The following GRID2 variants were observed in gnomAD, a reference collection of about 807,000 sequenced individuals.
GRID2 encodes glutamate receptor ionotropic, delta-2.
Under a neutral mutation model 114.8 loss-of-function variants are expected in GRID2, and 33 were observed. The observed-to-expected ratio is 0.29, with a 90% CI of 0.22 to 0.38. The LOEUF (loss-of-function observed/expected upper bound fraction) is 0.38, where lower values mean the gene tolerates loss of function less well. Among genes scored for constraint, GRID2 ranks in the 10% least tolerant of loss-of-function variants. GRID2 has a pLI of 1.00. For synonymous variants in GRID2, 505 were observed against 449.9 expected (o/e 1.12, Z -1.55); for missense variants, 1,184 against 1,257.7 (o/e 0.94, Z 0.89).
At chr4:92,389,079 T>C (rs1025836073) in intron 1 of GRID2, among the ~76,000 whole-genome samples, 1 of 152,030 alleles carries the variant, frequency 6.6e-6, no homozygotes, top group African/African-American at 2.4e-5. Flanking sequence ...TATAGGACAG[T>C]AGTTAATAAC....
intron 1 of GRID2, among the ~76,000 whole-genome samples, chr4:93,797,060 T>G (rs1420827518): frequency 6.6e-6 from 1 of 152,222 alleles, no homozygotes; most frequent in Non-Finnish European, 1.5e-5. Context: ...CTACAAACCC[T>G]ACAGCATGTT....
At chr4:93,060,641 C>T (rs538602018) in intron 2 of GRID2, among the ~76,000 whole-genome samples, 1 of 152,266 alleles carries the variant, frequency 6.6e-6, no homozygotes, top group East Asian at 1.9e-4. Flanking sequence ...CTTAATTCTA[C>T]AATATGTGAC....
intron 4 of GRID2, among the ~76,000 whole-genome samples, chr4:93,127,641 G>T (rs1230865304): frequency 1.3e-5 from 2 of 152,082 alleles, no homozygotes; most frequent in Non-Finnish European, 2.9e-5. Flanking sequence ...ATACACAGAG[G>T]TTGTAAAAGT....
At chr4:93,280,330 A>T (rs1420137465) in intron 8 of GRID2, among the ~76,000 whole-genome samples, 1 of 151,968 alleles carries the variant, frequency 6.6e-6, no homozygotes, top group Non-Finnish European at 1.5e-5. Flanking sequence ...TTCTAGTTTA[A>T]TGCATTATTA....
intron 9 of GRID2, among the ~76,000 whole-genome samples, chr4:93,411,527 C>T (rs897968460): frequency 2.0e-5 from 3 of 151,734 alleles, no homozygotes; most frequent in African/African-American, 4.8e-5. Flanking sequence ...CTCCGCCTCC[C>T]GGGTTCAAGC....
intron 2 of GRID2, among the ~76,000 whole-genome samples, chr4:93,008,766 G>T (rs978741226): frequency 6.6e-6 from 1 of 151,396 alleles, no homozygotes; most frequent in Non-Finnish European, 1.5e-5. Flanking sequence ...CATTTTTTTT[G>T]CTTAATGAAG....
intron 1 of GRID2, among the ~76,000 whole-genome samples, chr4:92,441,774 G>A (rs904941394): frequency 4.4e-4 from 66 of 149,268 alleles, no homozygotes; most frequent in African/African-American, 1.1e-3. Flanking sequence ...ATGATCGGTC[G>A]CCAAGGAGGG....
chr4:92,786,661 A>T (rs189655915), intron 2 of GRID2, among the ~76,000 whole-genome samples: 45 of 152,040 alleles, frequency 3.0e-4, no homozygotes, highest in African/African-American at 8.4e-4. Context: ...GGCAATGTTA[A>T]AATACATTAT....
intron 2 of GRID2, among the ~76,000 whole-genome samples, chr4:92,595,728 ATATT>A (rs1728917815): frequency 6.6e-6 from 1 of 152,136 alleles, no homozygotes; most frequent in African/African-American, 2.4e-5. Context: ...AAATACATAC[ATATT>A]TATTTCATGT....
rs747536898 is a variant in GRID2, at chr4:92,631,014, G to GA, written c.244+40739dup. Among the ~76,000 whole-genome samples, 234 of 138,684 alleles carry GA rather than the reference G, an allele frequency of 1.7e-3. 1 individual carries two copies. The highest frequency in any genetic ancestry group is 2.6e-3 in the African/African-American group (98 of 37,986). The allele number at this position is 138,684 out of a possible 152,430, so 91.0% of individuals were successfully genotyped here. A position where few individuals can be genotyped will look rare whatever the true frequency, so the allele number is the denominator to read the frequency against. On this transcript the variant is annotated intron_variant, in intron 2 of 15. Transcript: ENST00000282020. ...TAGTGAGTATTAATGAGTATAATGA[G>GA]AAAAAAAAAAAGAAAAAAACAAGAG... is the stretch of plus-strand genomic sequence containing the variant.
chr4:92,678,561 T>C (rs1038082953), intron 2 of GRID2, among the ~76,000 whole-genome samples: 3 of 151,960 alleles, frequency 2.0e-5, no homozygotes, highest in Non-Finnish European at 4.4e-5. Context: ...GTGGGTCATG[T>C]AGCACCGTCT....
At chr4:92,368,158 G>A (rs995985420) in intron 1 of GRID2, among the ~76,000 whole-genome samples, 1 of 151,986 alleles carries the variant, frequency 6.6e-6, no homozygotes, top group African/African-American at 2.4e-5. Context: ...AGATGCTGAG[G>A]GACACATGCC....
At chr4:93,723,844 T>G (rs1156281790) in intron 14 of GRID2, among the ~76,000 whole-genome samples, 1 of 152,198 alleles carries the variant, frequency 6.6e-6, no homozygotes, top group East Asian at 1.9e-4. Context: ...CTTCTCGATT[T>G]TTATTCTATT....
At chr4:92,714,302 T>C (rs906874986) in intron 2 of GRID2, among the ~76,000 whole-genome samples, 2 of 152,220 alleles carry the variant, frequency 1.3e-5, no homozygotes, top group Non-Finnish European at 2.9e-5. Context: ...TCCCACAGTC[T>C]TGGGGGCTGC....
In GRID2 at chr4:93,598,708, G is replaced by A. The variant is rs531924267; in HGVS notation, c.2194-27561G>A. Among the ~76,000 whole-genome samples the A allele has an allele frequency of 1.1e-4, 17 of 152,242 alleles. 1 individual carries two copies. Among genetic ancestry groups the A allele is most frequent in the Admixed American group, 7.8e-4 (12 of 15,296 alleles). ...ATCTACCAAAATGCATCTTCTTGAA[G>A]GAGAATGCACCTCTAGATGCAAACT... On this transcript the variant is annotated intron_variant, in intron 13 of 15. Transcript: ENST00000282020.
At chr4:92,583,352 A>G (rs1728269423) in intron 1 of GRID2, among the ~76,000 whole-genome samples, 1 of 152,194 alleles carries the variant, frequency 6.6e-6, no homozygotes, top group East Asian at 1.9e-4. Flanking sequence ...AATATTTGCT[A>G]ATTGTCATGA....
chr4:93,228,380 C>T (rs865997092), intron 7 of GRID2, among the ~76,000 whole-genome samples: 1 of 152,178 alleles, frequency 6.6e-6, no homozygotes, highest in Non-Finnish European at 1.5e-5. Context: ...AGCATTAATC[C>T]GTTCATGAAG....
intron 2 of GRID2, among the ~76,000 whole-genome samples, chr4:92,837,805 C>G (rs1013762800): frequency 6.6e-6 from 1 of 152,074 alleles, no homozygotes; most frequent in Non-Finnish European, 1.5e-5. Flanking sequence ...AATACATGCT[C>G]TATCATAAAT....
rs376242548 is a variant in GRID2 at position 92,944,802 on chromosome 4, G to A, written c.245-140193G>A. ...CACTTTTTTTTCCTATAGTATGTTG[G>A]ACTTATCAATATTTTGAATATGTAA... On this transcript the variant is annotated intron_variant, in intron 2 of 15. Coordinates refer to ENST00000282020, the MANE Select transcript of GRID2 (RefSeq NM_001510.4). 1.1e-4 allele frequency among the ~76,000 whole-genome samples: 16 copies of A among 152,026 alleles called. 1 individual carries two copies. The highest frequency in any genetic ancestry group is 3.9e-4 in the African/African-American group (16 of 41,482).
Sources: allele counts gnomAD v4.1 joint callset (sites outside exome capture counted in the v4.1 genomes callset), GRCh38; gene constraint gnomAD v4.1.1; transcripts MANE v1.5; gene names NCBI Gene and HGNC (gene_info 2026-07-23, HGNC 2026-07-21).